The following CTNNBIP1 variants were observed in gnomAD, a reference collection of about 807,000 sequenced individuals.
CTNNBIP1 encodes the protein catenin beta interacting protein 1.
Under a neutral mutation model 11.8 loss-of-function variants are expected in CTNNBIP1, and 7 were observed. That is an observed-to-expected ratio of 0.60 (90% CI 0.34 to 1.12). The LOEUF is 1.12. Ranked by LOEUF, CTNNBIP1 falls within the 50% of genes most tolerant of loss-of-function variation. The pLI, the probability that CTNNBIP1 is intolerant of heterozygous loss-of-function variation, is 0.03. For missense variants in CTNNBIP1, 101 were observed against 113.4 expected (o/e 0.89, Z 0.50); for synonymous variants, 58 against 43.9 (o/e 1.32, Z -1.26).
In CTNNBIP1 at chr1:9,871,604, C is replaced by T. The variant is rs911662887; in HGVS notation, c.97-327G>A. On this transcript the variant is annotated intron_variant, in intron 4 of 5. Transcript: ENST00000377263. This position sits in a 1 kb window ranked among gnomAD's most constrained non-coding sequence, Gnocchi z 5.2. ...TCCCTCCACTCTTTTTGAGAAATAC[C>T]CCTGCACATGCATGCCTGCTGCCCC... Among the ~76,000 whole-genome samples the T allele has an allele frequency of 6.6e-6, 1 of 152,254 alleles. No homozygotes were observed. Among genetic ancestry groups the T allele is most frequent in the African/African-American group, 2.4e-5 (1 of 41,542 alleles).
At position 9,867,705 on chromosome 1, in the gene CTNNBIP1, C is replaced by A. The variant is rs1354293309; in HGVS notation, c.187+3482G>T. On this transcript the variant is annotated intron_variant, in intron 5 of 5. Transcript: ENST00000377263. The surrounding 1 kb of genome is among the most constrained non-coding windows in gnomAD (Gnocchi z 4.6). ...CAGGCCATTACCCACAGGCTCCAGG[C>A]CTTTGGGGTTCATTATGGCAGTCTC... 1.3e-5 allele frequency among the ~76,000 whole-genome samples: 2 copies of A among 152,192 alleles called. No individual in the cohort carries two copies. The highest frequency in any genetic ancestry group is 2.4e-5 in the African/African-American group (1 of 41,428).
intron 5 of CTNNBIP1, among the ~76,000 whole-genome samples, chr1:9,861,647 C>T (rs951400412): frequency 2.0e-5 from 3 of 152,196 alleles, no homozygotes; most frequent in African/African-American, 4.8e-5. Flanking sequence ...GCTGTGTGGA[C>T]GTGCATCGAG....
intron 1 of CTNNBIP1, among the ~76,000 whole-genome samples, chr1:9,897,439 G>T (rs1639432981): frequency 6.6e-6 from 1 of 151,786 alleles, no homozygotes; most frequent in Non-Finnish European, 1.5e-5. Context: ...GGGCCACAGA[G>T]CGAGACTCCG....
At chr1:9,861,152 T>C (rs1638617717) in intron 5 of CTNNBIP1, among the ~76,000 whole-genome samples, 1 of 152,214 alleles carries the variant, frequency 6.6e-6, no homozygotes, top group Non-Finnish European at 1.5e-5. Context: ...GTGGTACCTT[T>C]TCCTCCTCCC....
At chr1:9,893,442 G>A (rs1639347172) in intron 1 of CTNNBIP1, among the ~76,000 whole-genome samples, 1 of 152,114 alleles carries the variant, frequency 6.6e-6, no homozygotes, top group Admixed American at 6.5e-5. Flanking sequence ...TGGCAAAACT[G>A]GTCTGTTAAG....
chr1:9,901,618 GCTCTC>G (rs1303490697), intron 1 of CTNNBIP1, among the ~76,000 whole-genome samples: 3 of 152,168 alleles, frequency 2.0e-5, no homozygotes, highest in Non-Finnish European at 4.4e-5. Context: ...ATTGGAGCTG[GCTCTC>G]AAAGCCTCCT....
intron 1 of CTNNBIP1, among the ~76,000 whole-genome samples, chr1:9,891,781 ATTTTTTTTTTTTT>A (rs70998316): frequency 1.4e-4 from 11 of 81,450 alleles, no homozygotes; most frequent in South Asian, 4.9e-4. Context: ...ATCTCTTTAA[ATTTTTTTTTTTTT>A]TTTTTTTTTT....
chr1:9,882,430 G>A (rs138678639), intron 2 of CTNNBIP1, among the ~76,000 whole-genome samples: 254 of 152,328 alleles, frequency 1.7e-3, no homozygotes, highest in Non-Finnish European at 2.9e-3. Flanking sequence ...GTCGCCTCGG[G>A]GATGTGCGGC....
intron 5 of CTNNBIP1, among the ~76,000 whole-genome samples, chr1:9,855,195 A>G (rs905685426): frequency 2.0e-5 from 3 of 152,100 alleles, no homozygotes; most frequent in Non-Finnish European, 2.9e-5. Context: ...ACATTACTGA[A>G]TAAAATTCAA....
intron 5 of CTNNBIP1, among the ~76,000 whole-genome samples, chr1:9,866,609 G>A (rs1638750821): frequency 2.6e-5 from 4 of 151,828 alleles, no homozygotes; most frequent in Admixed American, 2.0e-4. Context: ...GAACTGGGAA[G>A]GTGGGGGCTG....
In CTNNBIP1 at chr1:9,872,154, C is replaced by A; in HGVS notation, c.-24-66G>T. The A allele has an allele frequency of 1.0e-6, 1 of 954,074 alleles. No homozygotes were observed. The highest frequency in any genetic ancestry group is 2.5e-5 in the East Asian group (1 of 40,052). The allele number at this position is 954,074 out of a possible 1,614,324, so 59.1% of individuals were successfully genotyped here. On this transcript the variant is annotated intron_variant, in intron 3 of 5. Coordinates refer to ENST00000377263, the MANE Select transcript of CTNNBIP1 (RefSeq NM_020248.3). This position sits in a 1 kb window ranked among gnomAD's most constrained non-coding sequence, Gnocchi z 4.0. ...ATGTGACATACTGGGACAATGACAC[C>A]TGCTAGTGACCCTCACTCCTCCCAG...
chr1:9,907,735 T>A (rs1639645099), intron 1 of CTNNBIP1, among the ~76,000 whole-genome samples: 1 of 152,174 alleles, frequency 6.6e-6, no homozygotes, highest in African/African-American at 2.4e-5. Flanking sequence ...TAACTCTCAG[T>A]CTCCAAAGTT....
intron 5 of CTNNBIP1, among the ~76,000 whole-genome samples, chr1:9,861,225 C>T (rs1276663257): frequency 1.3e-5 from 2 of 152,232 alleles, no homozygotes; most frequent in African/African-American, 2.4e-5. Flanking sequence ...TCCAAAACTG[C>T]AGTGGCTGAA....
At chr1:9,891,910 T>C (rs1037431114) in intron 1 of CTNNBIP1, among the ~76,000 whole-genome samples, 1 of 149,612 alleles carries the variant, frequency 6.7e-6, no homozygotes, top group African/African-American at 2.5e-5. Context: ...CAGGTGATTC[T>C]CCTGCCTCGG....
At chr1:9,900,543 A>G (rs1163138094) in intron 1 of CTNNBIP1, among the ~76,000 whole-genome samples, 1 of 152,176 alleles carries the variant, frequency 6.6e-6, no homozygotes, top group Non-Finnish European at 1.5e-5. Context: ...AGAGATTAGG[A>G]AGTGAGAGTG....
At position 9,891,407 on chromosome 1, in the gene CTNNBIP1, C is replaced by T. The variant is rs188982320; in HGVS notation, c.-143-7669G>A. ...CTCATTAAAGCCTCTATAATTGGTT[C>T]AAACAAACAAGCTTCCTGAACTGAG... On this transcript the variant is annotated intron_variant, in intron 1 of 5. Transcript: ENST00000377263. 2.6e-3 allele frequency among the ~76,000 whole-genome samples: 397 copies of T among 152,344 alleles called. 1 individual carries two copies. The highest frequency in any genetic ancestry group is 8.5e-3 in the African/African-American group (354 of 41,582).
Position 9,853,566 on chromosome 1 carries a change from C to T in CTNNBIP1, c.188-2790G>A, listed in dbSNP as rs1002414606. Among the ~76,000 whole-genome samples, 4 of 152,346 alleles carry T rather than the reference C, an allele frequency of 2.6e-5. No individual in the cohort carries two copies. In the South Asian group the frequency reaches 6.2e-4, roughly 24 times the overall value. The stretch of plus-strand genomic sequence containing the variant: ...ATATGGCAGCTCCCTCAGGTAGTCT[C>T]GCTGTCCTGGATGCACAGCAAAGAG... On this transcript the variant is annotated intron_variant, in intron 5 of 5. Transcript: ENST00000377263.
At chr1:9,908,564 T>A (rs1025408971) in intron 1 of CTNNBIP1, among the ~76,000 whole-genome samples, 7 of 146,196 alleles carry the variant, frequency 4.8e-5, no homozygotes, top group Non-Finnish European at 7.5e-5. Context: ...GTAGTAGATA[T>A]GGGGTTTCAC....
At chr1:9,892,938 T>C (rs1639339956) in intron 1 of CTNNBIP1, 1 of 152,116 alleles carries the variant, frequency 6.6e-6, no homozygotes, top group African/African-American at 2.4e-5. Context: ...AACAAGCCAA[T>C]AATCAAAATC....
Sources: allele counts gnomAD v4.1 joint callset (sites outside exome capture counted in the v4.1 genomes callset), GRCh38; gene constraint gnomAD v4.1.1; non-coding constraint Gnocchi (gnomAD v3.1); transcripts MANE v1.5; gene names NCBI Gene and HGNC (gene_info 2026-07-23, HGNC 2026-07-21).